The following PKHD1 variants were observed in gnomAD, a reference collection of about 807,000 sequenced individuals.
PKHD1 encodes the protein fibrocystin.
A neutral mutation model predicts 412.0 loss-of-function variants in PKHD1; 291 were observed. The observed-to-expected ratio is 0.71, with a 90% CI of 0.64 to 0.78. The LOEUF (loss-of-function observed/expected upper bound fraction) is 0.78. Ranked by LOEUF, PKHD1 falls within the 30% of genes least tolerant of loss-of-function variation. The pLI is 0.00. For missense variants in PKHD1, 4,825 were observed against 4,950.7 expected, an observed-to-expected ratio of 0.97 and a Z score of 0.76; for synonymous variants, 1,777 against 1,821.5, an observed-to-expected ratio of 0.98 and a Z score of 0.62.
chr6:52,073,581 T>C, intron 6 of PKHD1, 40 bp from the exon 7 acceptor site: 1 of 1,117,650 alleles, frequency 8.9e-7, no homozygotes, highest in South Asian at 1.2e-5. Flanking sequence ...TGGACTTAGC[T>C]CAAACTCAAT....
At chr6:51,708,618 T>G (rs1338009901) in intron 60 of PKHD1, among the ~76,000 whole-genome samples, 3 of 152,222 alleles carry the variant, frequency 2.0e-5, no homozygotes, top group African/African-American at 7.2e-5. Context: ...TCTTTTCATT[T>G]GTTAAAGATA....
chr6:51,782,451 TGA>T (rs1562298889), intron 53 of PKHD1, among the ~76,000 whole-genome samples: 32 of 151,398 alleles, frequency 2.1e-4, no homozygotes, highest in African/African-American at 2.2e-4. Flanking sequence ...TAGTGTTTCC[TGA>T]ACCTCTAAGG....
intron 37 of PKHD1, among the ~76,000 whole-genome samples, chr6:51,917,642 T>C (rs1372328326): frequency 6.6e-6 from 1 of 151,982 alleles, no homozygotes; most frequent in Non-Finnish European, 1.5e-5. Context: ...GATGACAAAA[T>C]GGGAAGCGTA....
At position 51,754,909 on chromosome 6, in the gene PKHD1, C is replaced by T. The variant is rs754371762; in HGVS notation, c.8672G>A (p.Arg2891His). The change falls in exon 56 of 67, where the codon CGC (arginine) becomes CAC (histidine). Residue 2891 changes from arginine (R) to histidine (H), a missense_variant. Coordinates refer to ENST00000371117, the MANE Select transcript of PKHD1 (RefSeq NM_138694.4). ...GCTAAGGACTATTTTGTCATGGGGGCGCCAATCCACTGCATCTTCTACTAT... is the reference window on the plus strand; with the variant it reads ...GCTAAGGACTATTTTGTCATGGGGGTGCCAATCCACTGCATCTTCTACTAT... ...RIIVEDAVDW[R>H]PHDKIVLSSS... 1.2e-5 allele frequency: 19 copies of T among 1,613,074 alleles called. No homozygotes were observed. The highest frequency in any genetic ancestry group is 6.7e-5 in the East Asian group (3 of 44,884).
At position 51,898,192 on chromosome 6, in the gene PKHD1, T is replaced by A. The variant is rs563589783; in HGVS notation, c.6996+5405A>T. Reference sequence around the variant, plus strand: ...ATAGACATCTACAGAACTCTCCACCTCAAATCAACAGAATATACATTTTTT... The same window carrying A: ...ATAGACATCTACAGAACTCTCCACCACAAATCAACAGAATATACATTTTTT... On this transcript the variant is annotated intron_variant, in intron 43 of 66. Transcript: ENST00000371117. Among the ~76,000 whole-genome samples, 40 of 152,124 alleles carry A rather than the reference T, an allele frequency of 2.6e-4. No individual in the cohort carries two copies. In the South Asian group the frequency reaches 7.3e-3, roughly 28 times the overall value.
rs751187289 is a variant in PKHD1, at chr6:51,659,041, A to T, written c.11085T>A (p.Thr3695=). 3 of 1,612,730 alleles carry T rather than the reference A, an allele frequency of 1.9e-6. No homozygotes were observed. The highest frequency in any genetic ancestry group is 2.5e-6 in the Non-Finnish European group (3 of 1,178,826). The change falls in exon 61 of 67, where the codon ACT becomes ACA. Residue 3695 remains threonine (T), a synonymous_variant. Coordinates refer to ENST00000371117, the MANE Select transcript of PKHD1 (RefSeq NM_138694.4). ...TCTCTAGTACCCCAGTCTGTTGAGCAGTGATGACTCGATGAGCCAAATTCT... is the reference window on the plus strand; with the variant it reads ...TCTCTAGTACCCCAGTCTGTTGAGCTGTGATGACTCGATGAGCCAAATTCT... ...KLQNLAHRVI[T]AQQTGVLENV... is the part of the protein sequence containing the mutation.
intron 31 of PKHD1, 22 bp downstream of exon 31, chr6:52,027,807 C>G: frequency 6.5e-7 from 1 of 1,548,538 alleles, no homozygotes; most frequent in South Asian, 1.1e-5. Context: ...TAATTGATAA[C>G]AGTCACATAA....
chr6:51,853,513 G>A (rs1051139368), intron 49 of PKHD1, among the ~76,000 whole-genome samples: 1 of 152,176 alleles, frequency 6.6e-6, no homozygotes. Flanking sequence ...ATCCTGAAGT[G>A]TGTTTTCCAG....
chr6:51,807,092 G>A (rs984784004), intron 52 of PKHD1, among the ~76,000 whole-genome samples: 6 of 151,968 alleles, frequency 3.9e-5, no homozygotes, highest in African/African-American at 1.5e-4. Context: ...ATAACCAATA[G>A]AAATCAGGGA....
chr6:51,676,249 A>G (rs1420233753), intron 60 of PKHD1, among the ~76,000 whole-genome samples: 1 of 9,452 alleles, frequency 1.1e-4, no homozygotes, highest in Non-Finnish European at 2.3e-4. Flanking sequence ...AATTAAAAGA[A>G]AAGAAAAAAA....
intron 5 of PKHD1, among the ~76,000 whole-genome samples, chr6:52,078,432 T>C (rs907984069): frequency 2.6e-5 from 4 of 152,186 alleles, no homozygotes; most frequent in African/African-American, 4.8e-5. Flanking sequence ...GTGATCAACC[T>C]TCTGTGAGTT....
At position 51,631,848 on chromosome 6, in the gene PKHD1, A is replaced by AAAAC. The variant is rs543269298; in HGVS notation, c.11665+713_11665+716dup. On this transcript the variant is annotated intron_variant, in intron 65 of 66. Transcript: ENST00000371117. ...GGAACCTACTTAATTCCTATGCTAAAAAACAAACAAACAAACAAACAAACT... is the reference window on the plus strand; with the variant it reads ...GGAACCTACTTAATTCCTATGCTAAAAAACAAACAAACAAACAAACAAACAAACT... 6.5e-4 allele frequency among the ~76,000 whole-genome samples: 99 copies of AAAAC among 152,194 alleles called. 1 individual carries two copies. The highest frequency in any genetic ancestry group is 3.4e-3 in the Middle Eastern group (1 of 292).
intron 51 of PKHD1, 64 bp from the exon 52 acceptor site, chr6:51,831,053 ATTTT>A: frequency 8.0e-7 from 1 of 1,252,586 alleles, no homozygotes; most frequent in Non-Finnish European, 1.2e-6. Context: ...TTCTATCCTT[ATTTT>A]AGGATGCTAG....
intron 51 of PKHD1, among the ~76,000 whole-genome samples, chr6:51,831,905 C>A (rs550576475): frequency 4.3e-4 from 65 of 152,196 alleles, no homozygotes; most frequent in Non-Finnish European, 8.4e-4. Context: ...CATGCTGAAC[C>A]ATATCTACTT....
At chr6:51,787,036 TG>T (rs1792982475) in intron 53 of PKHD1, among the ~76,000 whole-genome samples, 1 of 152,172 alleles carries the variant, frequency 6.6e-6, no homozygotes, top group Non-Finnish European at 1.5e-5. Context: ...AAAAGTCCAT[TG>T]ATACCCTTGC....
intron 65 of PKHD1, among the ~76,000 whole-genome samples, chr6:51,628,848 C>T (rs35691250): frequency 0.043 from 6,513 of 152,160 alleles, 236 homozygotes; most frequent in African/African-American, 0.093. Context: ...AACAGAATGG[C>T]ACTGGCAAAA....
chr6:51,909,823 C>T (rs1366529686), intron 39 of PKHD1, among the ~76,000 whole-genome samples: 2 of 152,080 alleles, frequency 1.3e-5, no homozygotes, highest in Non-Finnish European at 2.9e-5. Flanking sequence ...AAATGACCTT[C>T]TTGTGGTTGA....
intron 65 of PKHD1, among the ~76,000 whole-genome samples, chr6:51,631,128 C>T (rs957976048): frequency 1.3e-5 from 2 of 152,078 alleles, no homozygotes; most frequent in African/African-American, 4.8e-5. Context: ...CCCTGCATGG[C>T]TACTAGGTTT....
rs562665712 is a variant in PKHD1 at position 51,811,504 on chromosome 6, T to C, written c.8302+19357A>G. On this transcript the variant is annotated intron_variant, in intron 52 of 66. Transcript: ENST00000371117. ...AACTTTTTTGAAAGTCACATATGAA[T>C]ACTTAGAACATATGCTTTTCATTGC... Among the ~76,000 whole-genome samples the C allele has an allele frequency of 5.4e-4, 82 of 152,324 alleles. No homozygotes were observed. The South Asian group carries it at 0.017, about 32-fold the overall frequency.
Sources: allele counts gnomAD v4.1 joint callset (sites outside exome capture counted in the v4.1 genomes callset), GRCh38; gene constraint gnomAD v4.1.1; transcripts MANE v1.5; gene names NCBI Gene and HGNC (gene_info 2026-07-23, HGNC 2026-07-21).